Variants in PLCL1 observed in about 807,000 individuals in gnomAD.
The protein encoded by PLCL1 is inactive phospholipase C-like protein 1.
In PLCL1, 41 loss-of-function variants were observed where a neutral mutation model predicts 84.4. The observed-to-expected ratio is 0.49, with a 90% CI of 0.38 to 0.63. PLCL1 has a LOEUF of 0.63. Ranked by LOEUF, PLCL1 falls within the 30% of genes least tolerant of loss-of-function variation. The pLI is 0.00. For missense variants in PLCL1, 1,206 were observed against 1,367.8 expected, an observed-to-expected ratio of 0.88 and a Z score of 1.87; for synonymous variants, 490 against 488.3, an observed-to-expected ratio of 1.00 and a Z score of -0.05.
chr2:197,952,994 C>T (rs917690729), intron 1 of PLCL1, among the ~76,000 whole-genome samples: 5 of 152,050 alleles, frequency 3.3e-5, no homozygotes, highest in African/African-American at 1.2e-4. Context: ...AATACCATGC[C>T]TTCATGCACT....
chr2:197,897,098 CCTTCTTCTTCTTCTTCTT>C lies in PLCL1; in HGVS notation c.240+91834_240+91851del, dbSNP rs1156287674. 1.1e-3 allele frequency among the ~76,000 whole-genome samples: 124 copies of C among 117,860 alleles called. 2 individuals are homozygous for C. Among genetic ancestry groups the C allele is most frequent in the Middle Eastern group, 4.5e-3 (1 of 224 alleles). The allele number at this position is 117,860 out of a possible 152,430, so 77.3% of individuals were successfully genotyped here. ...TACCTTTGGGGATAGAAGTATGACT[CCTTCTTCTTCTTCTTCTT>C]CTTCTTCTTCTTCTTCTTCTTCTTC... On this transcript the variant is annotated intron_variant, in intron 1 of 5. Coordinates refer to ENST00000428675, the MANE Select transcript of PLCL1 (RefSeq NM_006226.4).
At chr2:197,874,243 A>G (rs1036097520) in intron 1 of PLCL1, among the ~76,000 whole-genome samples, 6 of 152,284 alleles carry the variant, frequency 3.9e-5, no homozygotes, top group Middle Eastern at 3.4e-3. Context: ...ACTTACTGAT[A>G]TAAATTCTAT....
chr2:198,063,430 T>C (rs973935134), intron 1 of PLCL1, among the ~76,000 whole-genome samples: 4 of 151,984 alleles, frequency 2.6e-5, no homozygotes, highest in Non-Finnish European at 4.4e-5. Flanking sequence ...AAACTCAAAG[T>C]GAATGTATTA....
At chr2:197,925,311 T>TA (rs1006576437) in intron 1 of PLCL1, among the ~76,000 whole-genome samples, 3 of 151,974 alleles carry the variant, frequency 2.0e-5, no homozygotes, top group Non-Finnish European at 2.9e-5. Flanking sequence ...ACTGGTTGGT[T>TA]AAAAAAAATC....
intron 1 of PLCL1, among the ~76,000 whole-genome samples, chr2:198,001,219 A>T (rs780567983): frequency 6.6e-6 from 1 of 152,226 alleles, no homozygotes; most frequent in Non-Finnish European, 1.5e-5. Flanking sequence ...TGTGATTACC[A>T]TGGAGACAAT....
rs541285847 is a variant in PLCL1 at position 197,829,378 on chromosome 2, C to T, written c.240+24039C>T. Among the ~76,000 whole-genome samples the T allele has an allele frequency of 3.9e-5, 6 of 152,242 alleles. No homozygotes were observed. In the South Asian group the frequency reaches 1.2e-3, roughly 32 times the overall value. Reference sequence around the variant, plus strand: ...TTTAAGAGCCGTGCCCTATCACCACCTCTCATATTGGTGTTTGTGAAATTA... The same window carrying T: ...TTTAAGAGCCGTGCCCTATCACCACTTCTCATATTGGTGTTTGTGAAATTA... On this transcript the variant is annotated intron_variant, in intron 1 of 5. Transcript: ENST00000428675.
chr2:197,949,820 T>G (rs1689353954), intron 1 of PLCL1, among the ~76,000 whole-genome samples: 1 of 152,210 alleles, frequency 6.6e-6, no homozygotes, highest in Admixed American at 6.5e-5. Flanking sequence ...TATGCTTCCC[T>G]TTAAATAATT....
chr2:197,879,178 T>C (rs1182826010), intron 1 of PLCL1, among the ~76,000 whole-genome samples: 1 of 152,188 alleles, frequency 6.6e-6, no homozygotes, highest in Non-Finnish European at 1.5e-5. Flanking sequence ...GAGATTGCCT[T>C]AGTCTTCTGA....
chr2:198,123,168 C>T (rs186180999), intron 5 of PLCL1, among the ~76,000 whole-genome samples: 10 of 152,182 alleles, frequency 6.6e-5, no homozygotes, highest in Admixed American at 4.6e-4. Context: ...AGATGCTCAT[C>T]TTCAGTGGGG....
chr2:198,085,323 A>G lies in PLCL1; in HGVS notation c.1806A>G (p.Leu602=). The change falls in exon 2 of 6, where the codon CTA becomes CTG. Residue 602 remains leucine, a synonymous_variant. Transcript: ENST00000428675. This position sits in a 1 kb window ranked among gnomAD's most constrained non-coding sequence, Gnocchi z 5.3. ...CKSVQYRDFE[L]SMKSQNYWEM... ...CTGTTCAATACAGGGATTTTGAACT[A>G]TCTATGAAAAGCCAAAACTATTGGG... is the stretch of plus-strand genomic sequence containing the variant. 1 of 1,613,670 alleles carries G rather than the reference A, an allele frequency of 6.2e-7. No homozygotes were observed. Among genetic ancestry groups the G allele is most frequent in the Non-Finnish European group, 8.5e-7 (1 of 1,179,688 alleles).
chr2:197,999,540 GTATAGC>G (rs1690550405), intron 1 of PLCL1, among the ~76,000 whole-genome samples: 1 of 152,180 alleles, frequency 6.6e-6, no homozygotes, highest in African/African-American at 2.4e-5. Flanking sequence ...AGATGTGAAT[GTATAGC>G]TACATGCTTC....
At chr2:197,997,955 G>T (rs1160492617) in intron 1 of PLCL1, among the ~76,000 whole-genome samples, 2 of 152,118 alleles carry the variant, frequency 1.3e-5, no homozygotes. Context: ...AATACCTTCT[G>T]GGTATTAACT....
At chr2:198,049,254 G>C (rs1260000112) in intron 1 of PLCL1, among the ~76,000 whole-genome samples, 1 of 152,208 alleles carries the variant, frequency 6.6e-6, no homozygotes, top group African/African-American at 2.4e-5. Flanking sequence ...GGAACATCAA[G>C]TGACTAAAAT....
chr2:197,965,055 G>A (rs1559058302), intron 1 of PLCL1, among the ~76,000 whole-genome samples: 1 of 151,934 alleles, frequency 6.6e-6, no homozygotes, highest in African/African-American at 2.4e-5. Flanking sequence ...TTTGCATCAG[G>A]GTAATACTGG....
At chr2:197,837,899 T>C (rs1201770216) in intron 1 of PLCL1, among the ~76,000 whole-genome samples, 4 of 152,202 alleles carry the variant, frequency 2.6e-5, no homozygotes, top group South Asian at 2.1e-4. Flanking sequence ...TTGTTTGAAA[T>C]TGGGGGCTCC....
intron 1 of PLCL1, among the ~76,000 whole-genome samples, chr2:197,897,196 TCC>T (rs879432070): frequency 0.37 from 11,232 of 30,360 alleles, 1,857 homozygotes; most frequent in Middle Eastern, 0.57. Flanking sequence ...CTTCTCCTTC[TCC>T]TTCTTCTTTC....
intron 5 of PLCL1, among the ~76,000 whole-genome samples, chr2:198,142,535 T>C (rs17672607): frequency 0.016 from 2,434 of 152,302 alleles, 34 homozygotes; most frequent in Middle Eastern, 0.027. Context: ...TAATGTTTGT[T>C]TTTTAAATAT....
At chr2:198,140,220 G>A (rs1471660835) in intron 5 of PLCL1, among the ~76,000 whole-genome samples, 1 of 152,108 alleles carries the variant, frequency 6.6e-6, no homozygotes, top group Non-Finnish European at 1.5e-5. Flanking sequence ...GAGTGATACA[G>A]ATGTTTTCCA....
chr2:197,810,754 C>A (rs1449113538), intron 1 of PLCL1, among the ~76,000 whole-genome samples: 1 of 152,190 alleles, frequency 6.6e-6, no homozygotes, highest in East Asian at 1.9e-4. Context: ...GAAGGAATTG[C>A]ATCAGTCTTC....
Sources: allele counts gnomAD v4.1 joint callset (sites outside exome capture counted in the v4.1 genomes callset), GRCh38; gene constraint gnomAD v4.1.1; non-coding constraint Gnocchi (gnomAD v3.1); transcripts MANE v1.5; gene names NCBI Gene and HGNC (gene_info 2026-07-23, HGNC 2026-07-21).